ACTN2: variants seen among roughly 807,000 people sequenced by gnomAD.
The protein encoded by ACTN2 is actinin alpha 2.
A neutral mutation model predicts 113.8 loss-of-function variants in ACTN2; 39 were observed. That is an observed-to-expected ratio of 0.34 (90% confidence interval 0.27 to 0.45). The LOEUF is 0.45. Among genes scored for constraint, ACTN2 ranks in the 20% least tolerant of loss-of-function variants. The pLI, the probability that ACTN2 is intolerant of heterozygous loss-of-function variation, is 1.00. For missense variants in ACTN2, 992 were observed against 1,177.9 expected (o/e 0.84, Z 2.31); for synonymous variants, 429 against 444.1 (o/e 0.97, Z 0.43).
intron 1 of ACTN2, among the ~76,000 whole-genome samples, chr1:236,712,003 G>A (rs1658041818): frequency 6.6e-6 from 1 of 152,182 alleles, no homozygotes; most frequent in East Asian, 1.9e-4. Context: ...TTGGTAATCT[G>A]TTTTAAGCCA....
intron 6 of ACTN2, among the ~76,000 whole-genome samples, chr1:236,730,554 TAAG>T (rs575385225): frequency 3.7e-4 from 57 of 152,224 alleles, no homozygotes; most frequent in Non-Finnish European, 7.8e-4. Context: ...TGGATCAAAA[TAAG>T]AAATGTTGCA....
chr1:236,708,899 A>G lies in ACTN2; in HGVS notation c.127-8959A>G, dbSNP rs758100033. Among the ~76,000 whole-genome samples, 3 of 152,206 alleles carry G rather than the reference A, an allele frequency of 2.0e-5. No individual in the cohort carries two copies. In the East Asian group the frequency reaches 5.8e-4, roughly 29 times the overall value. On this transcript the variant is annotated intron_variant, in intron 1 of 20. Transcript: ENST00000366578. ...TTGACCTTCCTCTTCCACTTTAGTC[A>G]GTGATTTTTACGACATATGCAGCTT...
chr1:236,712,680 CA>C (rs1231635982), intron 1 of ACTN2, among the ~76,000 whole-genome samples: 1 of 151,946 alleles, frequency 6.6e-6, no homozygotes, highest in Non-Finnish European at 1.5e-5. Context: ...AACAAACAAA[CA>C]AAAAACAGGT....
intron 1 of ACTN2, among the ~76,000 whole-genome samples, chr1:236,698,627 A>G (rs1211496539): frequency 1.3e-5 from 2 of 152,200 alleles, no homozygotes; most frequent in Non-Finnish European, 2.9e-5. Context: ...TTGGCCTTTC[A>G]TGTTAGAATT....
Position 236,751,221 on chromosome 1 carries a change from A to AT in ACTN2, c.1657-243dup, listed in dbSNP as rs141984611. On this transcript the variant is annotated intron_variant, in intron 14 of 20. Coordinates refer to ENST00000366578, the MANE Select transcript of ACTN2 (RefSeq NM_001103.4). ...AAAGGAAAACTGATTAAAAAAAATT[A>AT]TTTTTTAAAAGACTCTACATGAATA... 0.03 allele frequency among the ~76,000 whole-genome samples: 4,545 copies of AT among 152,014 alleles called. 214 individuals are homozygous for AT. The highest frequency in any genetic ancestry group is 0.1 in the African/African-American group (4,267 of 41,452).
At chr1:236,758,583 C>T (rs1659617749) in intron 18 of ACTN2, among the ~76,000 whole-genome samples, 1 of 147,432 alleles carries the variant, frequency 6.8e-6, no homozygotes, top group South Asian at 2.1e-4. Flanking sequence ...GCCACCGCAC[C>T]TGGCCTTTTT....
chr1:236,707,664 CT>C (rs1463778053), intron 1 of ACTN2, among the ~76,000 whole-genome samples: 1 of 50,322 alleles, frequency 2.0e-5, no homozygotes, highest in Non-Finnish European at 7.5e-5. Flanking sequence ...TAGTGCTTTT[CT>C]TTTCTTTTTT....
At chr1:236,707,372 G>A (rs981991069) in intron 1 of ACTN2, among the ~76,000 whole-genome samples, 1 of 152,232 alleles carries the variant, frequency 6.6e-6, no homozygotes, top group Non-Finnish European at 1.5e-5. Context: ...CTAAGCAACA[G>A]CATGTTTTTC....
At chr1:236,750,047 T>G (rs113229911) in intron 14 of ACTN2, among the ~76,000 whole-genome samples, 1 of 152,332 alleles carries the variant, frequency 6.6e-6, no homozygotes, top group South Asian at 2.1e-4. Flanking sequence ...TCTAAAATGT[T>G]CTGCTTATAG....
At chr1:236,689,129 C>T (rs1315118689) in intron 1 of ACTN2, among the ~76,000 whole-genome samples, 4 of 151,810 alleles carry the variant, frequency 2.6e-5, no homozygotes, top group South Asian at 2.1e-4. Context: ...AGCATGAGTG[C>T]GAATAGGCGT....
In ACTN2 at chr1:236,749,251, T is replaced by C; in HGVS notation, c.1643T>C (p.Ile548Thr). 2.5e-6 allele frequency: 4 copies of C among 1,614,138 alleles called. No homozygotes were observed. The highest frequency in any genetic ancestry group is 2.5e-6 in the Non-Finnish European group (3 of 1,180,022). The change falls in exon 14 of 21, where the codon ATT (isoleucine) becomes ACT (threonine). Residue 548 changes from isoleucine (I) to threonine (T), a missense_variant. By Grantham distance (89) the Ile-to-Thr change is moderately conservative. Coordinates refer to ENST00000366578, the MANE Select transcript of ACTN2 (RefSeq NM_001103.4). ...DLQDMFIVHSIEEIQSLITAH... is the reference protein window; with the variant it reads ...DLQDMFIVHSTEEIQSLITAH... ...CAAGATATGTTCATTGTCCACAGCA[T>C]TGAGGAGATCCAGGTAATGGAACCG...
intron 13 of ACTN2, 97 bp downstream of exon 13, chr1:236,747,872 A>G: frequency 9.9e-7 from 1 of 1,008,186 alleles, no homozygotes; most frequent in South Asian, 1.4e-5. Flanking sequence ...GTGGCATGAA[A>G]CAGGTTGCCT....
chr1:236,713,301 C>A (rs1277301553), intron 1 of ACTN2, among the ~76,000 whole-genome samples: 1 of 151,234 alleles, frequency 6.6e-6, no homozygotes, highest in Non-Finnish European at 1.5e-5. Flanking sequence ...GATCTTGGCT[C>A]ACTGCAACCT....
At position 236,735,570 on chromosome 1, in the gene ACTN2, C is replaced by T. The variant is rs1658843675; in HGVS notation, c.698-65C>T. 1.9e-5 allele frequency: 26 copies of T among 1,403,852 alleles called. No homozygotes were observed. The South Asian group carries it at 2.8e-4, about 15-fold the overall frequency. The allele number at this position is 1,403,852 out of a possible 1,614,324, so 87.0% of individuals were successfully genotyped here. ...TCCCTCTGTTCTCCCTGGTTTCTCTCCTTCGTCTGTATGTGTGTGGTGTGT... is the reference window on the plus strand; with the variant it reads ...TCCCTCTGTTCTCCCTGGTTTCTCTTCTTCGTCTGTATGTGTGTGGTGTGT... On this transcript the variant is annotated intron_variant, in intron 7 of 20. Transcript: ENST00000366578.
intron 1 of ACTN2, among the ~76,000 whole-genome samples, chr1:236,693,002 G>A (rs1012355066): frequency 3.3e-5 from 5 of 152,146 alleles, no homozygotes; most frequent in East Asian, 1.9e-4. Flanking sequence ...TCCTACCGCC[G>A]TTTCCCTGGG....
At chr1:236,720,541 A>G (rs2102897116) in intron 4 of ACTN2, among the ~76,000 whole-genome samples, 1 of 152,304 alleles carries the variant, frequency 6.6e-6, no homozygotes, top group African/African-American at 2.4e-5. Flanking sequence ...CCTGGTATAA[A>G]AAAAGAATCT....
chr1:236,751,561 A>G lies in ACTN2; in HGVS notation c.1748A>G (p.Glu583Gly), dbSNP rs200631005. ...ATCATGGCCATCCAGAACGAGGTGG[A>G]GAAGGTGATTCAGAGCTACAACATC... ...QSIMAIQNEV[E>G]KVIQSYNIRI... Residue 583 changes from glutamate to glycine, a missense_variant, in exon 15 of 21, where the codon GAG becomes GGG. Glu to Gly is a moderately conservative substitution (Grantham distance 98, BLOSUM62 -2). Coordinates refer to ENST00000366578, the MANE Select transcript of ACTN2 (RefSeq NM_001103.4). The G allele has an allele frequency of 2.0e-4, 318 of 1,614,104 alleles. 1 individual carries two copies. The Admixed American group carries it at 5.2e-3, about 27-fold the overall frequency.
In ACTN2 at chr1:236,713,310, C is replaced by A. The variant is rs547501086; in HGVS notation, c.127-4548C>A. Among the ~76,000 whole-genome samples the A allele has an allele frequency of 1.6e-3, 236 of 152,082 alleles. 1 individual carries two copies. The highest frequency in any genetic ancestry group is 2.1e-3 in the Non-Finnish European group (143 of 67,976). ...TGGCACGATCTTGGCTCACTGCAACCTCTGCCTCCCGGGTTCAAGCAATTC... is the reference window on the plus strand; with the variant it reads ...TGGCACGATCTTGGCTCACTGCAACATCTGCCTCCCGGGTTCAAGCAATTC... On this transcript the variant is annotated intron_variant, in intron 1 of 20. Transcript: ENST00000366578.
At chr1:236,697,966 G>T (rs1033157762) in intron 1 of ACTN2, among the ~76,000 whole-genome samples, 3 of 146,092 alleles carry the variant, frequency 2.1e-5, no homozygotes, top group Admixed American at 6.8e-5. Context: ...CAGAGACAAG[G>T]TTTCACCATG....
Sources: allele counts gnomAD v4.1 joint callset (sites outside exome capture counted in the v4.1 genomes callset), GRCh38; gene constraint gnomAD v4.1.1; transcripts MANE v1.5; gene names NCBI Gene and HGNC (gene_info 2026-07-23, HGNC 2026-07-21).